MTPAP: variants seen among roughly 807,000 people sequenced by gnomAD.
MTPAP encodes poly(A) RNA polymerase, mitochondrial.
In MTPAP, 23 loss-of-function variants were observed where a neutral mutation model predicts 48.7. The observed-to-expected ratio is 0.47, with a 90% CI of 0.34 to 0.67. The LOEUF is 0.67. Among genes scored for constraint, MTPAP ranks in the 30% least tolerant of loss-of-function variants. The pLI, the probability that MTPAP is intolerant of heterozygous loss-of-function variation, is 0.01. For synonymous variants in MTPAP, 257 were observed against 254.1 expected (o/e 1.01, Z -0.11); for missense variants, 614 against 694.3 (o/e 0.88, Z 1.30).
chr10:30,349,186 C>A lies in MTPAP; in HGVS notation c.90G>T (p.Leu30Phe). ...TRVQRPIVRLLSCPGTVAKDL... is the reference protein window; with the variant it reads ...TRVQRPIVRLFSCPGTVAKDL... The stretch of plus-strand genomic sequence containing the variant: ...CTTTGGCCACAGTTCCTGGGCAACT[C>A]AAAAGCCTGACGATAGGCCGCTGGA... The change falls in exon 1 of 9, where the codon TTG becomes TTT. Residue 30 changes from leucine (L) to phenylalanine (F), a missense_variant. This residue lies in a region of MTPAP where 125 missense variants were observed against 111.5 expected (regional missense o/e 1.12). Coordinates refer to ENST00000263063, the MANE Select transcript of MTPAP (RefSeq NM_018109.4). 1 of 1,593,368 alleles carries A rather than the reference C, an allele frequency of 6.3e-7. No homozygotes were observed. Among genetic ancestry groups the A allele is most frequent in the Non-Finnish European group, 8.6e-7 (1 of 1,168,164 alleles).
Position 30,313,633 on chromosome 10 carries a change from C to G in MTPAP, c.1725G>C (p.Lys575Asn). ...ATCATGTCTGAGTACTAATTGTTCT[C>G]TTCCCACTGGTTTTTGTGAAATTTT... ...RTENFTKTSG[K>N]RTISTQT is the part of the protein sequence containing the mutation. The change falls in exon 9 of 9, where the codon AAG becomes AAC. Residue 575 changes from lysine (K) to asparagine (N), a missense_variant. Physicochemically the swap from Lys to Asn is moderately conservative, Grantham distance 94. Coordinates refer to ENST00000263063, the MANE Select transcript of MTPAP (RefSeq NM_018109.4). 1.2e-6 allele frequency: 2 copies of G among 1,614,218 alleles called. No individual in the cohort carries two copies. Among genetic ancestry groups the G allele is most frequent in the Non-Finnish European group, 1.7e-6 (2 of 1,180,024 alleles).
intron 6 of MTPAP, 24 bp from the exon 7 acceptor site, chr10:30,316,234 T>G (rs1840660340): frequency 3.2e-6 from 5 of 1,580,114 alleles, no homozygotes; most frequent in Non-Finnish European, 4.3e-6. Flanking sequence ...AAAAAATATT[T>G]CACGTGTTTT....
intron 3 of MTPAP, chr10:30,340,002 T>C (rs1834779630): frequency 7.1e-6 from 4 of 562,632 alleles, no homozygotes; most frequent in African/African-American, 1.9e-5. Flanking sequence ...CTACTCAATG[T>C]GTTGAGCATG....
At chr10:30,329,731 G>A (rs937927907) in intron 4 of MTPAP, among the ~76,000 whole-genome samples, 1 of 151,922 alleles carries the variant, frequency 6.6e-6, no homozygotes, top group Non-Finnish European at 1.5e-5. Flanking sequence ...AAGTTACCTA[G>A]TGGTCCAGTG....
chr10:30,348,978 A>C, intron 1 of MTPAP, 141 bp downstream of exon 1: 1 of 1,247,128 alleles, frequency 8.0e-7, no homozygotes, highest in Non-Finnish European at 1.1e-6. Context: ...TACAGAGATC[A>C]GAGGAGAGGA....
chr10:30,346,895 C>T (rs1834879538), intron 1 of MTPAP, among the ~76,000 whole-genome samples: 1 of 152,116 alleles, frequency 6.6e-6, no homozygotes, highest in Non-Finnish European at 1.5e-5. Flanking sequence ...CTGCTGGTGA[C>T]CATCACCCCC....
intron 3 of MTPAP, among the ~76,000 whole-genome samples, chr10:30,337,712 T>A (rs1834746284): frequency 6.6e-6 from 1 of 152,170 alleles, no homozygotes; most frequent in Non-Finnish European, 1.5e-5. Flanking sequence ...ATGAAAGTAG[T>A]AAAGTACTCC....
chr10:30,340,220 A>G lies in MTPAP; in HGVS notation c.555+6T>C, dbSNP rs1441925107. On this transcript the variant is annotated splice_donor_region_variant and intron_variant, in intron 3 of 8. Transcript: ENST00000263063. ...TCTAAAAGTTGAGGTACACCTAAAA[A>G]CTTACACTTTCTGCATAACAAAGTA... 1 of 1,606,772 alleles carries G rather than the reference A, an allele frequency of 6.2e-7. No homozygotes were observed. Among genetic ancestry groups the G allele is most frequent in the Non-Finnish European group, 8.5e-7 (1 of 1,173,416 alleles).
Position 30,322,308 on chromosome 10 carries a change from G to C in MTPAP, c.1219+83C>G, listed in dbSNP as rs575218154. ...AAATTTTATGACTAATAAACAAATA[G>C]ACGGGACTTTGGTAACACATGGTAA... On this transcript the variant is annotated intron_variant, in intron 6 of 8. Coordinates refer to ENST00000263063, the MANE Select transcript of MTPAP (RefSeq NM_018109.4). The C allele has an allele frequency of 6.0e-6, 7 of 1,174,734 alleles. No individual in the cohort carries two copies. The East Asian group carries it at 1.7e-4, about 28-fold the overall frequency. The allele number at this position is 1,174,734 out of a possible 1,614,324, so 72.8% of individuals were successfully genotyped here.
At chr10:30,315,849 T>G (rs1275864801) in intron 8 of MTPAP, 114 bp downstream of exon 8, 1 of 1,187,652 alleles carries the variant, frequency 8.4e-7, no homozygotes, top group Non-Finnish European at 1.2e-6. Flanking sequence ...TTACTACAAA[T>G]TACTACACAA....
At chr10:30,325,015 A>C (rs1214052178) in intron 5 of MTPAP, among the ~76,000 whole-genome samples, 2 of 152,082 alleles carry the variant, frequency 1.3e-5, no homozygotes, top group Non-Finnish European at 2.9e-5. Flanking sequence ...AAAAAGAAAA[A>C]GAAGAAACAG....
chr10:30,313,188 T>C lies in MTPAP; in HGVS notation c.*421A>G, dbSNP rs1384479494. Reference sequence around the variant, plus strand: ...TTCATCCTAAAACTGAGTTTTAGCATTTGTTTAGTATATTTACCTATTTAG... The same window carrying C: ...TTCATCCTAAAACTGAGTTTTAGCACTTGTTTAGTATATTTACCTATTTAG... On this transcript the variant is annotated 3_prime_UTR_variant, in exon 9 of 9. Transcript: ENST00000263063. The C allele has an allele frequency of 1.1e-5, 2 of 188,678 alleles. No homozygotes were observed. The highest frequency in any genetic ancestry group is 4.7e-5 in the African/African-American group (2 of 42,158). 11.7% of individuals were successfully genotyped at this position (188,678 alleles called of 1,614,324 possible). A position where few individuals can be genotyped will look rare whatever the true frequency, so the allele number is the denominator to read the frequency against.
At chr10:30,341,108 C>T (rs1440343181) in intron 2 of MTPAP, among the ~76,000 whole-genome samples, 1 of 151,904 alleles carries the variant, frequency 6.6e-6, no homozygotes, top group Non-Finnish European at 1.5e-5. Flanking sequence ...GTCCCAGCTA[C>T]TCCAGAGGCA....
chr10:30,327,540 A>AAATT (rs1247781787), intron 4 of MTPAP, among the ~76,000 whole-genome samples: 1 of 127,262 alleles, frequency 7.9e-6, no homozygotes, highest in African/African-American at 2.7e-5. Context: ...ATAAATAAAT[A>AAATT]AATTACTAAA....
Position 30,341,563 on chromosome 10 carries a change from A to T in MTPAP, c.235T>A (p.Leu79Ile). ...CTGATTTTCTCTGGGCAATGTATTA[A>T]AACAGTCCGCTGTGCCTGTTCTCGT... ...ERREQAQRTV[L>I]IHCPEKISEN... The change falls in exon 2 of 9, where the codon TTA (leucine) becomes ATA (isoleucine). Residue 79 changes from leucine (L) to isoleucine (I), a missense_variant. Transcript: ENST00000263063. The T allele has an allele frequency of 6.2e-7, 1 of 1,614,144 alleles. No individual in the cohort carries two copies. The highest frequency in any genetic ancestry group is 8.5e-7 in the Non-Finnish European group (1 of 1,179,992).
rs1172918192 is a variant in MTPAP, at chr10:30,310,560, G to A, written c.*3049C>T. 6.7e-6 allele frequency: 1 copy of A among 148,154 alleles called. No individual in the cohort carries two copies. The highest frequency in any genetic ancestry group is 1.5e-5 in the Non-Finnish European group (1 of 67,604). The allele number at this position is 148,154 out of a possible 1,614,324, so 9.2% of individuals were successfully genotyped here. A position where few individuals can be genotyped will look rare whatever the true frequency, so the allele number is the denominator to read the frequency against. On this transcript the variant is annotated 3_prime_UTR_variant, in exon 9 of 9. Transcript: ENST00000263063. Reference sequence around the variant, plus strand: ...AAGATCACTGCACTCTCCAGCCTGGGTGACAGAGGGAGACCCATCTCAAAA... The same window carrying A: ...AAGATCACTGCACTCTCCAGCCTGGATGACAGAGGGAGACCCATCTCAAAA...
chr10:30,329,778 A>G (rs1834643851), intron 4 of MTPAP, among the ~76,000 whole-genome samples: 1 of 152,306 alleles, frequency 6.6e-6, no homozygotes, highest in East Asian at 1.9e-4. Context: ...GAGGGAAAAA[A>G]AAAAGATACC....
chr10:30,341,936 A>G (rs1834812954), intron 1 of MTPAP, among the ~76,000 whole-genome samples: 1 of 152,178 alleles, frequency 6.6e-6, no homozygotes, highest in Non-Finnish European at 1.5e-5. Context: ...AATTAGGCAC[A>G]GTAAGAGATT....
At chr10:30,348,953 G>T in intron 1 of MTPAP, 166 bp downstream of exon 1, 3 of 979,020 alleles carry the variant, frequency 3.1e-6, no homozygotes, top group Non-Finnish European at 4.5e-6. Context: ...CAACGGCGGC[G>T]ACCCTGGGTT....
Sources: gnomAD v4.1 joint callset for allele counts (sites outside exome capture counted in the v4.1 genomes callset) on GRCh38, gnomAD v4.1.1 for gene constraint, gnomAD v4.1.1 regional missense constraint, MANE v1.5 for transcripts, NCBI Gene and HGNC (gene_info 2026-07-23, HGNC 2026-07-21) for gene names.